Variants in TAFA5 observed in about 807,000 individuals in gnomAD.
TAFA5 encodes chemokine-like protein TAFA-5.
In TAFA5, 6 loss-of-function variants were observed where a neutral mutation model predicts 15.3. The observed-to-expected ratio is 0.39, with a 90% CI of 0.21 to 0.77. The LOEUF (loss-of-function observed/expected upper bound fraction) is 0.77, where lower values mean the gene tolerates loss of function less well. Ranked by LOEUF, TAFA5 falls within the 30% of genes least tolerant of loss-of-function variation. TAFA5 has a pLI of 0.41. For synonymous variants in TAFA5, 103 were observed against 80.7 expected (o/e 1.28, Z -1.48); for missense variants, 161 against 193.1 (o/e 0.83, Z 0.98).
intron 1 of TAFA5, among the ~76,000 whole-genome samples, chr22:48,556,277 G>T (rs2091595818): frequency 2.0e-5 from 3 of 152,178 alleles, no homozygotes. Context: ...CCTGTGGTCA[G>T]CCCCTCCTGC....
At chr22:48,731,715 A>C (rs924032361) in intron 3 of TAFA5, among the ~76,000 whole-genome samples, 1 of 152,220 alleles carries the variant, frequency 6.6e-6, no homozygotes, top group African/African-American at 2.4e-5. Context: ...TCAGAACAAA[A>C]GATTCAAGAT....
chr22:48,724,358 T>C (rs132257), intron 3 of TAFA5, among the ~76,000 whole-genome samples: 60,379 of 152,028 alleles, frequency 0.4, 12,966 homozygotes, highest in Non-Finnish European at 0.48. Context: ...AGAGGAGGAT[T>C]GGATGAGTGG....
chr22:48,615,891 A>G (rs28559655), intron 1 of TAFA5, among the ~76,000 whole-genome samples: 136,282 of 152,136 alleles, frequency 0.9, 61,392 homozygotes, highest in East Asian at 1. Flanking sequence ...TGCCCCTCCA[A>G]TGGCCTAATG....
At chr22:48,644,385 T>G (rs1225869317) in intron 1 of TAFA5, among the ~76,000 whole-genome samples, 1 of 152,222 alleles carries the variant, frequency 6.6e-6, no homozygotes, top group African/African-American at 2.4e-5. Context: ...CAGCAGGCCC[T>G]TATGCACTGG....
intron 2 of TAFA5, among the ~76,000 whole-genome samples, chr22:48,670,610 G>A (rs1473419606): frequency 6.6e-6 from 1 of 152,268 alleles, no homozygotes; most frequent in Admixed American, 6.5e-5. Flanking sequence ...GTAGCCGCGT[G>A]GCCTGGGCAG....
At chr22:48,685,812 T>C (rs16999715) in intron 2 of TAFA5, among the ~76,000 whole-genome samples, 13,258 of 152,196 alleles carry the variant, frequency 0.087, 1,923 homozygotes, top group African/African-American at 0.3. Flanking sequence ...GTACACCTGT[T>C]GCCGGCTGCA....
At chr22:48,509,867 C>T (rs963254925) in intron 1 of TAFA5, among the ~76,000 whole-genome samples, 3 of 150,718 alleles carry the variant, frequency 2.0e-5, no homozygotes, top group Non-Finnish European at 2.9e-5. Flanking sequence ...AGGAGAATGG[C>T]GTGAACCCGG....
At chr22:48,715,598 A>G (rs1929380078) in intron 3 of TAFA5, among the ~76,000 whole-genome samples, 1 of 152,154 alleles carries the variant, frequency 6.6e-6, no homozygotes, top group African/African-American at 2.4e-5. Context: ...TTGTGACCCC[A>G]TGTGCTGCCT....
chr22:48,583,183 G>A (rs1924155227), intron 1 of TAFA5, among the ~76,000 whole-genome samples: 2 of 92,338 alleles, frequency 2.2e-5, no homozygotes, highest in South Asian at 3.8e-4. Context: ...CACACACAGT[G>A]CACTCCAAAC....
chr22:48,597,776 C>T (rs981622256), intron 1 of TAFA5, among the ~76,000 whole-genome samples: 1 of 152,272 alleles, frequency 6.6e-6, no homozygotes, highest in South Asian at 2.1e-4. Context: ...GCTCCAGACA[C>T]ACGTGGTAGG....
chr22:48,620,416 T>C (rs1408140721), intron 1 of TAFA5, among the ~76,000 whole-genome samples: 1 of 152,120 alleles, frequency 6.6e-6, no homozygotes, highest in Non-Finnish European at 1.5e-5. Flanking sequence ...AGTTTGGAGT[T>C]GGACTTTTCT....
rs527407252 is a variant in TAFA5, at chr22:48,694,957, C to T, written c.263-12760C>T. ...GCCTCCCATCGGGCAGAAACGGGAG[C>T]CCTGAGCCCTCCTGTGAGCTTCAAA... On this transcript the variant is annotated intron_variant, in intron 2 of 3. Transcript: ENST00000402357. 2.5e-3 allele frequency among the ~76,000 whole-genome samples: 384 copies of T among 151,510 alleles called. 1 individual carries two copies. The highest frequency in any genetic ancestry group is 3.6e-3 in the Non-Finnish European group (243 of 67,896).
chr22:48,508,854 A>T (rs1275884268), intron 1 of TAFA5, among the ~76,000 whole-genome samples: 3 of 152,126 alleles, frequency 2.0e-5, no homozygotes, highest in Admixed American at 2.0e-4. Context: ...GTTTCTTAAC[A>T]TCTGCAGTAT....
intron 3 of TAFA5, among the ~76,000 whole-genome samples, chr22:48,726,837 A>G (rs1216660132): frequency 1.3e-5 from 2 of 152,088 alleles, no homozygotes; most frequent in African/African-American, 4.8e-5. Context: ...TCTTCATTCA[A>G]CCCCGGATCT....
At chr22:48,723,414 G>C (rs761229476) in intron 3 of TAFA5, among the ~76,000 whole-genome samples, 2 of 152,100 alleles carry the variant, frequency 1.3e-5, no homozygotes, top group Non-Finnish European at 2.9e-5. Context: ...ACCCCGTCGT[G>C]TTCATCAGTG....
At chr22:48,610,083 A>G (rs1569046334) in intron 1 of TAFA5, among the ~76,000 whole-genome samples, 1 of 152,186 alleles carries the variant, frequency 6.6e-6, no homozygotes, top group Non-Finnish European at 1.5e-5. Context: ...ACCCATAACA[A>G]CACACAGTGG....
At chr22:48,710,985 T>A (rs1259590922) in intron 3 of TAFA5, among the ~76,000 whole-genome samples, 2 of 152,152 alleles carry the variant, frequency 1.3e-5, no homozygotes, top group South Asian at 4.1e-4. Flanking sequence ...CCTGGCTTGG[T>A]GTGAGACCCC....
intron 1 of TAFA5, among the ~76,000 whole-genome samples, chr22:48,541,047 G>A (rs1297650499): frequency 2.6e-5 from 4 of 152,092 alleles, no homozygotes; most frequent in Non-Finnish European, 5.9e-5. Context: ...CCTGTTCAGG[G>A]ACAGGGGGTG....
intron 2 of TAFA5, among the ~76,000 whole-genome samples, chr22:48,694,500 G>A (rs961095530): frequency 4.6e-5 from 7 of 152,230 alleles, no homozygotes; most frequent in South Asian, 4.1e-4. Flanking sequence ...AAACACGGGC[G>A]CTTCCCAGCC....
Sources: allele counts gnomAD v4.1 joint callset (sites outside exome capture counted in the v4.1 genomes callset), GRCh38; gene constraint gnomAD v4.1.1; transcripts MANE v1.5; gene names NCBI Gene and HGNC (gene_info 2026-07-23, HGNC 2026-07-21).